XKR4: variants seen among roughly 807,000 people sequenced by gnomAD.
The protein encoded by XKR4 is XK-related protein 4.
XKR4 carries 12 observed loss-of-function variants against 53.9 expected under a neutral mutation model. The ratio of observed to expected loss-of-function variants is 0.22; its 90% CI spans 0.14 to 0.36. XKR4 has a LOEUF of 0.36. Among genes scored for constraint, XKR4 ranks in the 10% least tolerant of loss-of-function variants. The pLI is 1.00. For synonymous variants in XKR4, 354 were observed against 362.4 expected (o/e 0.98, Z 0.26); for missense variants, 799 against 859.5 (o/e 0.93, Z 0.88).
intron 1 of XKR4, among the ~76,000 whole-genome samples, chr8:55,287,271 T>C (rs1442869492): frequency 1.3e-5 from 2 of 152,154 alleles, no homozygotes; most frequent in Admixed American, 1.3e-4. Context: ...GCTATATATT[T>C]AGTAATGTGT....
intron 2 of XKR4, among the ~76,000 whole-genome samples, chr8:55,518,747 G>A (rs956919898): frequency 2.0e-5 from 3 of 152,194 alleles, no homozygotes; most frequent in Non-Finnish European, 4.4e-5. Context: ...AAGACATGGA[G>A]TGACTGAGGT....
chr8:55,416,339 A>AG (rs1162289170), intron 2 of XKR4, among the ~76,000 whole-genome samples: 3 of 152,230 alleles, frequency 2.0e-5, no homozygotes, highest in Admixed American at 2.0e-4. Flanking sequence ...TAGCATAGAA[A>AG]GTTTCAGGAT....
chr8:55,136,859 G>A (rs1259347712), intron 1 of XKR4, among the ~76,000 whole-genome samples: 3 of 152,180 alleles, frequency 2.0e-5, no homozygotes, highest in East Asian at 1.9e-4. Flanking sequence ...ATGTATTACA[G>A]TTTTAAATTA....
At chr8:55,303,605 T>C (rs1187766108) in intron 1 of XKR4, among the ~76,000 whole-genome samples, 1 of 152,222 alleles carries the variant, frequency 6.6e-6, no homozygotes, top group African/African-American at 2.4e-5. Context: ...TGGTAGAATT[T>C]GGCTATGAAT....
chr8:55,216,051 A>C (rs1011047567), intron 1 of XKR4, among the ~76,000 whole-genome samples: 14 of 152,386 alleles, frequency 9.2e-5, no homozygotes, highest in Middle Eastern at 3.4e-3. Flanking sequence ...TATGATGAAA[A>C]TAAACCAGAC....
At chr8:55,286,114 A>T (rs1818904116) in intron 1 of XKR4, among the ~76,000 whole-genome samples, 1 of 152,226 alleles carries the variant, frequency 6.6e-6, no homozygotes. Context: ...AAGAATTCTC[A>T]TCAATGTTGT....
chr8:55,194,593 T>C (rs11993874), intron 1 of XKR4, among the ~76,000 whole-genome samples: 14,186 of 152,224 alleles, frequency 0.093, 1,738 homozygotes, highest in African/African-American at 0.28. Flanking sequence ...CAACAGGATA[T>C]GTGGGCTCAG....
At chr8:55,245,121 G>T (rs913835115) in intron 1 of XKR4, among the ~76,000 whole-genome samples, 1 of 151,964 alleles carries the variant, frequency 6.6e-6, no homozygotes, top group African/African-American at 2.4e-5. Context: ...TGGCAAGGCT[G>T]GTCTCGAACT....
chr8:55,150,474 G>A (rs1202090185), intron 1 of XKR4, among the ~76,000 whole-genome samples: 1 of 152,152 alleles, frequency 6.6e-6, no homozygotes, highest in Non-Finnish European at 1.5e-5. Flanking sequence ...TTATAGTATG[G>A]TTCTTGTAAA....
intron 1 of XKR4, among the ~76,000 whole-genome samples, chr8:55,200,111 C>T (rs1483142319): frequency 6.6e-6 from 1 of 152,184 alleles, no homozygotes; most frequent in Non-Finnish European, 1.5e-5. Context: ...GTCACCTAGG[C>T]TGGAGTGTAG....
chr8:55,419,000 G>A (rs932097859), intron 2 of XKR4, among the ~76,000 whole-genome samples: 3 of 152,046 alleles, frequency 2.0e-5, no homozygotes, highest in Non-Finnish European at 2.9e-5. Context: ...ATCAGGACAG[G>A]CAGCGCTTTC....
intron 2 of XKR4, among the ~76,000 whole-genome samples, chr8:55,466,526 C>A (rs1325359861): frequency 6.6e-6 from 1 of 151,922 alleles, no homozygotes; most frequent in Non-Finnish European, 1.5e-5. Flanking sequence ...AGGTGATATA[C>A]CTAATGCTAA....
intron 2 of XKR4, among the ~76,000 whole-genome samples, chr8:55,405,061 AT>A (rs1394482642): frequency 3.9e-4 from 60 of 152,320 alleles, no homozygotes; most frequent in African/African-American, 1.3e-3. Context: ...ACACTAGATG[AT>A]TTAGACATTC....
chr8:55,450,829 T>C, intron 2 of XKR4: 1 of 491,338 alleles, frequency 2.0e-6, no homozygotes, highest in East Asian at 4.9e-5. Context: ...GTCCCAGCCG[T>C]CCTCCAGGCC....
chr8:55,289,904 G>GAAAGA (rs1463750068), intron 1 of XKR4, among the ~76,000 whole-genome samples: 2 of 133,790 alleles, frequency 1.5e-5, no homozygotes, highest in African/African-American at 5.1e-5. Flanking sequence ...AAGAAAGAAA[G>GAAAGA]AAACTGCCAA....
intron 2 of XKR4, among the ~76,000 whole-genome samples, chr8:55,483,195 A>G (rs1431999662): frequency 1.3e-5 from 2 of 152,276 alleles, no homozygotes; most frequent in Admixed American, 6.5e-5. Flanking sequence ...TTCAGACCAC[A>G]TCTTTCACCC....
At chr8:55,498,716 T>C (rs944964842) in intron 2 of XKR4, among the ~76,000 whole-genome samples, 8 of 152,082 alleles carry the variant, frequency 5.3e-5, no homozygotes, top group Non-Finnish European at 1.2e-4. Context: ...AAGGGTGCAG[T>C]GAGCTCTGAT....
chr8:55,513,267 G>A lies in XKR4; in HGVS notation c.1007-10014G>A, dbSNP rs1032518116. ...ACTCATTACACATTCCCCTAAATAG[G>A]CCAGTAACTGTCAATATTAGTGATG... On this transcript the variant is annotated intron_variant, in intron 2 of 2. Coordinates refer to ENST00000327381, the MANE Select transcript of XKR4 (RefSeq NM_052898.2). Among the ~76,000 whole-genome samples, 118 of 152,144 alleles carry A rather than the reference G, an allele frequency of 7.8e-4. 1 individual carries two copies. The highest frequency in any genetic ancestry group is 7.6e-3 in the Admixed American group (116 of 15,282).
chr8:55,176,084 A>G (rs1463484439), intron 1 of XKR4, among the ~76,000 whole-genome samples: 3 of 152,208 alleles, frequency 2.0e-5, no homozygotes, highest in Non-Finnish European at 4.4e-5. Flanking sequence ...TTTCTAGGTT[A>G]CCTACTGAAA....
Sources: gnomAD v4.1 joint callset for allele counts (sites outside exome capture counted in the v4.1 genomes callset) on GRCh38, gnomAD v4.1.1 for gene constraint, MANE v1.5 for transcripts, NCBI Gene and HGNC (gene_info 2026-07-23, HGNC 2026-07-21) for gene names.